Variants in PHB1 observed in about 807,000 individuals in gnomAD.
PHB1 encodes prohibitin 1.
the PHB1 span, chr17:49,409,003 G>T: frequency 7.7e-7 from 1 of 1,306,086 alleles, no homozygotes; most frequent in South Asian, 1.3e-5. Context: ...AACGAGAACT[G>T]CAGCCCCTTC....
At chr17:49,412,382 G>A in the PHB1 span, 1 of 155,392 alleles carries the variant, frequency 6.4e-6, no homozygotes, top group Admixed American at 6.2e-5. Context: ...TCTAGTTGCA[G>A]ATGTGGCCAA....
the PHB1 span, chr17:49,409,529 A>T: frequency 1.5e-6 from 2 of 1,296,694 alleles, no homozygotes; most frequent in East Asian, 2.6e-5. Flanking sequence ...TAGGAAAACA[A>T]GTGTTTTTTT....
At chr17:49,412,491 C>G in the PHB1 span, among the ~76,000 whole-genome samples, 1 of 152,204 alleles carries the variant, frequency 6.6e-6, no homozygotes, top group South Asian at 2.1e-4. Flanking sequence ...TATCTTCACT[C>G]TGAAAGTAAA....
chr17:49,412,595 C>G, the PHB1 span: 2 of 152,660 alleles, frequency 1.3e-5, no homozygotes, highest in Admixed American at 1.3e-4. Flanking sequence ...TAAAGGAGGT[C>G]CTACAGATAA....
chr17:49,413,410 C>G, the PHB1 span: 1 of 629,266 alleles, frequency 1.6e-6, no homozygotes, highest in African/African-American at 1.8e-5. Flanking sequence ...CCTGAAAGTG[C>G]TAAATCATCC....
the PHB1 span, among the ~76,000 whole-genome samples, chr17:49,414,037 A>G: frequency 6.6e-6 from 1 of 152,230 alleles, no homozygotes; most frequent in South Asian, 2.1e-4. Flanking sequence ...ATGCCAACAA[A>G]AAAAGTAACC....
chr17:49,411,801 G>A, the PHB1 span: 43 of 1,613,986 alleles, frequency 2.7e-5, no homozygotes, highest in East Asian at 4.5e-5. Context: ...TGCACTCCAC[G>A]GAATCGGTCA....
At chr17:49,405,069 C>T in the PHB1 span, 9 of 1,603,290 alleles carry the variant, frequency 5.6e-6, no homozygotes, top group South Asian at 3.4e-5. Context: ...AGCTGGTACG[C>T]GATGTCCTCT....
At chr17:49,405,226 C>T in the PHB1 span, 1 of 1,605,818 alleles carries the variant, frequency 6.2e-7, no homozygotes, top group Non-Finnish European at 8.5e-7. Context: ...GAGGTGGAGA[C>T]AAAGATCAAA....
At chr17:49,407,229 C>T in the PHB1 span, 1 of 193,194 alleles carries the variant, frequency 5.2e-6, no homozygotes, top group African/African-American at 2.3e-5. Flanking sequence ...TTCCAAGGGC[C>T]TTTGATGCCT....
At chr17:49,409,376 C>A in the PHB1 span, 2 of 1,614,164 alleles carry the variant, frequency 1.2e-6, no homozygotes. Flanking sequence ...GCAGCACACG[C>A]TCATCATAGT....
the PHB1 span, among the ~76,000 whole-genome samples, chr17:49,406,148 CCA>C: frequency 6.6e-6 from 1 of 152,190 alleles, no homozygotes; most frequent in African/African-American, 2.4e-5. Context: ...AAGTCTCTGC[CCA>C]CACAGTGTTT....
the PHB1 span, chr17:49,412,160 C>T: frequency 4.0e-6 from 1 of 248,380 alleles, no homozygotes; most frequent in Admixed American, 5.0e-5. Flanking sequence ...AATCATCTAC[C>T]AAAACTTCTA....
chr17:49,404,814 G>C, the PHB1 span: 408 of 604,066 alleles, frequency 6.8e-4, 2 homozygotes, highest in Non-Finnish European at 1.8e-4. Context: ...AAGAATGAAA[G>C]AGTTTCATTT....
chr17:49,414,429 T>C, the PHB1 span: 1 of 152,076 alleles, frequency 6.6e-6, no homozygotes, highest in African/African-American at 2.4e-5. Context: ...GGGGTGGGCA[T>C]AAGCACAGTT....
chr17:49,409,376 C>T, the PHB1 span: 2 of 1,614,164 alleles, frequency 1.2e-6, no homozygotes, highest in Non-Finnish European at 8.5e-7. Flanking sequence ...GCAGCACACG[C>T]TCATCATAGT....
At chr17:49,407,162 A>C in the PHB1 span, 1 of 302,940 alleles carries the variant, frequency 3.3e-6, no homozygotes, top group Non-Finnish European at 6.5e-6. Context: ...TCAATCGACC[A>C]CCTCCCCAGA....
the PHB1 span, among the ~76,000 whole-genome samples, chr17:49,405,716 AG>A: frequency 9.8e-5 from 15 of 152,298 alleles, no homozygotes; most frequent in African/African-American, 3.6e-4. Context: ...CCAAGGCTGC[AG>A]TGAGCTATGA....
At chr17:49,408,139 A>G in the PHB1 span, among the ~76,000 whole-genome samples, 16 of 152,332 alleles carry the variant, frequency 1.1e-4, no homozygotes, top group Non-Finnish European at 1.9e-4. Context: ...GGAAGGGCCC[A>G]CAGAATGGCT....
Sources: gnomAD v4.1 joint callset for allele counts (sites outside exome capture counted in the v4.1 genomes callset) on GRCh38, gnomAD v4.1.1 for gene constraint, MANE v1.5 for transcripts, NCBI Gene and HGNC (gene_info 2026-07-23, HGNC 2026-07-21) for gene names.